Variants in FGGY observed in about 807,000 individuals in gnomAD.
The protein encoded by FGGY is FGGY carbohydrate kinase domain containing, also known as FGGY carbohydrate kinase domain-containing protein.
In FGGY, 72 loss-of-function variants were observed where a neutral mutation model predicts 71.3. The ratio of observed to expected loss-of-function variants is 1.01; its 90% confidence interval spans 0.84 to 1.23. The LOEUF is 1.23. FGGY is among the 50% of genes most tolerant of loss of function. The probability of loss-of-function intolerance (pLI) is 0.00; values close to 1 mark genes in which losing one functional copy is unlikely to be tolerated. For synonymous variants in FGGY, 251 were observed against 250.3 expected, an observed-to-expected ratio of 1.00 and a Z score of -0.02; for missense variants, 668 against 682.3, an observed-to-expected ratio of 0.98 and a Z score of 0.23.
chr1:59,506,104 C>T (rs1472417811), intron 6 of FGGY, among the ~76,000 whole-genome samples: 2 of 152,026 alleles, frequency 1.3e-5, no homozygotes, highest in Non-Finnish European at 2.9e-5. Flanking sequence ...CCTTGGGTCT[C>T]TTTCCTGCCT....
chr1:59,629,189 C>T (rs1469863866), intron 10 of FGGY, among the ~76,000 whole-genome samples: 1 of 151,784 alleles, frequency 6.6e-6, no homozygotes, highest in Non-Finnish European at 1.5e-5. Flanking sequence ...ACATTGTGTA[C>T]ATGTACCCTG....
chr1:59,695,692 C>A (rs1399128585), intron 14 of FGGY, among the ~76,000 whole-genome samples: 1 of 152,208 alleles, frequency 6.6e-6, no homozygotes, highest in Non-Finnish European at 1.5e-5. Context: ...ACTTTCAGAT[C>A]TGCCTGATTC....
chr1:59,524,835 A>G (rs1364244549), intron 7 of FGGY, among the ~76,000 whole-genome samples: 1 of 152,152 alleles, frequency 6.6e-6, no homozygotes, highest in Non-Finnish European at 1.5e-5. Context: ...TCATTCTTCC[A>G]GGTTGTAGGA....
intron 7 of FGGY, among the ~76,000 whole-genome samples, chr1:59,542,445 CTTTTTTTTTTTTT>C (rs754831417): frequency 3.5e-4 from 12 of 34,246 alleles, no homozygotes; most frequent in South Asian, 1.6e-3. Context: ...ATGTTCTTTA[CTTTTTTTTTTTTT>C]TTTTTTTTTT....
chr1:59,623,299 A>G (rs896730278), intron 9 of FGGY, among the ~76,000 whole-genome samples: 8 of 152,100 alleles, frequency 5.3e-5, no homozygotes, highest in African/African-American at 9.7e-5. Context: ...AAAAGTATAA[A>G]CTCTTATGAC....
At chr1:59,572,227 T>G (rs2095998785) in intron 8 of FGGY, among the ~76,000 whole-genome samples, 1 of 152,122 alleles carries the variant, frequency 6.6e-6, no homozygotes, top group Non-Finnish European at 1.5e-5. Context: ...CAGTGATGTT[T>G]GAGCTGGGAG....
intron 11 of FGGY, among the ~76,000 whole-genome samples, chr1:59,644,723 A>G (rs2097074107): frequency 6.6e-6 from 1 of 152,172 alleles, no homozygotes; most frequent in Admixed American, 6.5e-5. Flanking sequence ...CACGCCTGTA[A>G]TCCCAGCACT....
Position 59,558,361 on chromosome 1 carries a change from C to T in FGGY, c.903+4134C>T, listed in dbSNP as rs532524358. Among the ~76,000 whole-genome samples the T allele has an allele frequency of 8.5e-5, 13 of 152,142 alleles. No individual in the cohort carries two copies. The South Asian group carries it at 2.1e-3, about 24-fold the overall frequency. Reference sequence around the variant, plus strand: ...CTTTCTATTTTCCGTAAGTGTCAGCCGGCTGAGAAATAAAGAGAAAGAGTA... The same window carrying T: ...CTTTCTATTTTCCGTAAGTGTCAGCTGGCTGAGAAATAAAGAGAAAGAGTA... On this transcript the variant is annotated intron_variant, in intron 8 of 15. Coordinates refer to ENST00000303721, the MANE Select transcript of FGGY (RefSeq NM_018291.5).
At chr1:59,420,750 A>G (rs534691057) in intron 5 of FGGY, among the ~76,000 whole-genome samples, 5 of 152,026 alleles carry the variant, frequency 3.3e-5, no homozygotes, top group Admixed American at 1.3e-4. Flanking sequence ...AAAATATTAT[A>G]TTGCTGAGAT....
intron 1 of FGGY, among the ~76,000 whole-genome samples, chr1:59,304,592 A>G (rs2043187967): frequency 6.9e-6 from 1 of 145,118 alleles, no homozygotes; most frequent in African/African-American, 2.5e-5. Flanking sequence ...GTTTTTCTCT[A>G]TTTTTTTTTT....
At chr1:59,699,933 G>T (rs1163627681) in intron 14 of FGGY, among the ~76,000 whole-genome samples, 2 of 152,046 alleles carry the variant, frequency 1.3e-5, no homozygotes, top group Non-Finnish European at 2.9e-5. Context: ...CCCTTATAAA[G>T]TTGTCATTGA....
intron 3 of FGGY, among the ~76,000 whole-genome samples, chr1:59,341,068 A>G (rs779429602): frequency 1.3e-5 from 2 of 152,186 alleles, no homozygotes; most frequent in Non-Finnish European, 2.9e-5. Flanking sequence ...ACTGTTGGCT[A>G]TGAGGTAGTA....
chr1:59,728,551 CT>C (rs1276346516), intron 14 of FGGY, among the ~76,000 whole-genome samples: 1 of 151,842 alleles, frequency 6.6e-6, no homozygotes, highest in Non-Finnish European at 1.5e-5. Context: ...CTCTGAATAA[CT>C]TTTTTTCAAC....
At chr1:59,487,629 G>T (rs1178651018) in intron 6 of FGGY, among the ~76,000 whole-genome samples, 1 of 152,190 alleles carries the variant, frequency 6.6e-6, no homozygotes, top group Non-Finnish European at 1.5e-5. Context: ...TAAGCTTAGG[G>T]TGGAGCTAAA....
intron 7 of FGGY, among the ~76,000 whole-genome samples, chr1:59,512,941 T>G (rs2094553261): frequency 6.6e-6 from 1 of 152,206 alleles, no homozygotes; most frequent in African/African-American, 2.4e-5. Context: ...CGTTGAACAC[T>G]TACCATGTCC....
At chr1:59,323,679 A>G (rs1452680968) in intron 2 of FGGY, among the ~76,000 whole-genome samples, 1 of 152,226 alleles carries the variant, frequency 6.6e-6, no homozygotes. Context: ...TGGACAAGTT[A>G]CCTAATGTTT....
chr1:59,533,455 G>C (rs1325341609), intron 7 of FGGY, among the ~76,000 whole-genome samples: 2 of 152,236 alleles, frequency 1.3e-5, no homozygotes, highest in African/African-American at 4.8e-5. Flanking sequence ...GGCTTGCTTA[G>C]GTAAGCAAAG....
intron 14 of FGGY, among the ~76,000 whole-genome samples, chr1:59,707,399 G>C (rs1209317622): frequency 6.6e-6 from 1 of 152,188 alleles, no homozygotes; most frequent in African/African-American, 2.4e-5. Context: ...AGCTGTAGGA[G>C]GAGGGGGAGA....
chr1:59,522,577 T>A (rs989118592), intron 7 of FGGY, among the ~76,000 whole-genome samples: 5 of 152,196 alleles, frequency 3.3e-5, no homozygotes, highest in Admixed American at 6.5e-5. Flanking sequence ...ATAAACAATA[T>A]TAATGTTGAC....
Sources: allele counts gnomAD v4.1 joint callset (sites outside exome capture counted in the v4.1 genomes callset), GRCh38; gene constraint gnomAD v4.1.1; transcripts MANE v1.5; gene names NCBI Gene and HGNC (gene_info 2026-07-23, HGNC 2026-07-21).